Variants in GPC6 observed in about 807,000 individuals in gnomAD.
The protein encoded by GPC6 is glypican-6.
In GPC6, 14 loss-of-function variants were observed where a neutral mutation model predicts 55.2. The observed-to-expected ratio is 0.25, with a 90% confidence interval of 0.17 to 0.40. GPC6 has a LOEUF of 0.40. Among genes scored for constraint, GPC6 ranks in the 10% least tolerant of loss-of-function variants. The pLI is 1.00. For synonymous variants in GPC6, 278 were observed against 259.6 expected (o/e 1.07, Z -0.68); for missense variants, 641 against 708.5 (o/e 0.90, Z 1.08).
chr13:94,385,466 C>T (rs929788917), intron 7 of GPC6, among the ~76,000 whole-genome samples: 1 of 152,124 alleles, frequency 6.6e-6, no homozygotes, highest in African/African-American at 2.4e-5. Context: ...GAAAATGATC[C>T]AGTTTAATGC....
At chr13:94,277,321 T>C (rs1441708098) in intron 4 of GPC6, among the ~76,000 whole-genome samples, 1 of 152,108 alleles carries the variant, frequency 6.6e-6, no homozygotes, top group African/African-American at 2.4e-5. Context: ...TTGTAGGTTT[T>C]AGATATTAGA....
At chr13:93,654,986 A>G (rs9524161) in intron 2 of GPC6, among the ~76,000 whole-genome samples, 32,553 of 144,498 alleles carry the variant, frequency 0.23, 3,957 homozygotes, top group Admixed American at 0.27. Flanking sequence ...ACAGGCGCCC[A>G]CTACCATGCC....
At chr13:94,100,816 A>G (rs903977427) in intron 4 of GPC6, among the ~76,000 whole-genome samples, 2 of 152,226 alleles carry the variant, frequency 1.3e-5, no homozygotes, top group African/African-American at 4.8e-5. Context: ...AATGCTAATG[A>G]TAATAATTTC....
intron 1 of GPC6, among the ~76,000 whole-genome samples, chr13:93,236,852 T>G (rs1052727559): frequency 2.6e-5 from 4 of 152,206 alleles, no homozygotes; most frequent in African/African-American, 9.7e-5. Flanking sequence ...TCACTTCATT[T>G]AGGATAATGG....
At chr13:93,262,297 G>GA (rs965829789) in intron 1 of GPC6, among the ~76,000 whole-genome samples, 2 of 150,844 alleles carry the variant, frequency 1.3e-5, no homozygotes, top group African/African-American at 4.9e-5. Context: ...AAGGGTTCCC[G>GA]AAAAAAAAAG....
intron 3 of GPC6, among the ~76,000 whole-genome samples, chr13:93,855,162 C>T (rs1437628080): frequency 1.3e-5 from 2 of 151,816 alleles, no homozygotes; most frequent in East Asian, 3.9e-4. Flanking sequence ...CCTGAAAACT[C>T]TCTATGTCCC....
intron 5 of GPC6, among the ~76,000 whole-genome samples, chr13:94,294,472 A>G (rs1293847539): frequency 1.1e-4 from 17 of 151,644 alleles, no homozygotes. Flanking sequence ...AGAGAACAGA[A>G]CAGAGAATGT....
intron 4 of GPC6, among the ~76,000 whole-genome samples, chr13:94,223,839 G>A (rs751974464): frequency 6.6e-6 from 1 of 152,134 alleles, no homozygotes; most frequent in Non-Finnish European, 1.5e-5. Context: ...TCACTAAAAT[G>A]TATATGTAAC....
intron 1 of GPC6, among the ~76,000 whole-genome samples, chr13:93,379,828 A>G (rs1046068769): frequency 6.6e-6 from 1 of 152,118 alleles, no homozygotes; most frequent in African/African-American, 2.4e-5. Flanking sequence ...ACTGTAAAAA[A>G]TTGGTATATG....
chr13:93,619,919 A>G lies in GPC6; in HGVS notation c.319+74498A>G, dbSNP rs565763422. Among the ~76,000 whole-genome samples the G allele has an allele frequency of 2.0e-5, 3 of 152,218 alleles. No homozygotes were observed. In the East Asian group the frequency reaches 5.8e-4, roughly 29 times the overall value. On this transcript the variant is annotated intron_variant, in intron 2 of 8. Coordinates refer to ENST00000377047, the MANE Select transcript of GPC6 (RefSeq NM_005708.5). ...TAAGGCATGAAAATGGCAGTTTTAT[A>G]TAATTGCTCAATTATATATTAAATA...
At chr13:93,811,817 A>T (rs1843711005) in intron 2 of GPC6, among the ~76,000 whole-genome samples, 1 of 152,180 alleles carries the variant, frequency 6.6e-6, no homozygotes, top group Non-Finnish European at 1.5e-5. Flanking sequence ...AAAGAAACTT[A>T]TTAAATCCCA....
intron 3 of GPC6, among the ~76,000 whole-genome samples, chr13:93,991,768 T>C (rs1190864001): frequency 1.3e-5 from 2 of 152,046 alleles, no homozygotes; most frequent in Non-Finnish European, 2.9e-5. Flanking sequence ...TCAAGTGAAA[T>C]TGCTTGGATA....
intron 4 of GPC6, among the ~76,000 whole-genome samples, chr13:94,177,925 G>C (rs903982159): frequency 6.6e-6 from 1 of 151,246 alleles, no homozygotes; most frequent in African/African-American, 2.4e-5. Context: ...TATTCTATCT[G>C]TCCAAATTTT....
At chr13:93,383,622 T>C (rs1875276641) in intron 1 of GPC6, among the ~76,000 whole-genome samples, 1 of 152,192 alleles carries the variant, frequency 6.6e-6, no homozygotes, top group South Asian at 2.1e-4. Context: ...GAAGACCATG[T>C]CATTTTTTTA....
intron 3 of GPC6, among the ~76,000 whole-genome samples, chr13:93,855,178 T>C (rs1888556366): frequency 6.6e-6 from 1 of 151,650 alleles, no homozygotes; most frequent in Admixed American, 6.6e-5. Context: ...GTCCCACCTG[T>C]TTATCTCTCC....
At chr13:94,380,288 G>T (rs1440644241) in intron 6 of GPC6, among the ~76,000 whole-genome samples, 1 of 152,160 alleles carries the variant, frequency 6.6e-6, no homozygotes, top group Non-Finnish European at 1.5e-5. Context: ...TATAAAACAT[G>T]TATTTCTTTC....
chr13:93,565,830 G>A (rs938881882), intron 2 of GPC6, among the ~76,000 whole-genome samples: 2 of 151,676 alleles, frequency 1.3e-5, no homozygotes, highest in South Asian at 2.1e-4. Flanking sequence ...GCTGGGGCAG[G>A]AGAATCACTT....
At chr13:94,178,294 G>T (rs938624063) in intron 4 of GPC6, among the ~76,000 whole-genome samples, 4 of 152,092 alleles carry the variant, frequency 2.6e-5, no homozygotes, top group African/African-American at 9.7e-5. Context: ...ATCGCACCCG[G>T]CTGGTCTTTA....
At chr13:94,301,378 C>T (rs941708281) in intron 5 of GPC6, among the ~76,000 whole-genome samples, 5 of 151,660 alleles carry the variant, frequency 3.3e-5, no homozygotes, top group East Asian at 1.9e-4. Context: ...GTCTGGGCAA[C>T]GGAGTGAGAC....
Sources: allele counts gnomAD v4.1 joint callset (sites outside exome capture counted in the v4.1 genomes callset), GRCh38; gene constraint gnomAD v4.1.1; transcripts MANE v1.5; gene names NCBI Gene and HGNC (gene_info 2026-07-23, HGNC 2026-07-21).